Variants in SRRM4 observed in about 807,000 individuals in gnomAD.
SRRM4 encodes the protein serine/arginine repetitive matrix protein 4.
A neutral mutation model predicts 68.9 loss-of-function variants in SRRM4; 33 were observed. The ratio of observed to expected loss-of-function variants is 0.48; its 90% CI spans 0.36 to 0.64. The LOEUF (loss-of-function observed/expected upper bound fraction) is 0.64. Ranked by LOEUF, SRRM4 falls within the 30% of genes least tolerant of loss-of-function variation. SRRM4 has a pLI of 0.00. For synonymous variants in SRRM4, 318 were observed against 318.8 expected (o/e 1.00, Z 0.03); for missense variants, 817 against 827.1 (o/e 0.99, Z 0.15).
chr12:118,982,669 GTTT>G (rs10533651), intron 1 of SRRM4, among the ~76,000 whole-genome samples: 21,045 of 115,932 alleles, frequency 0.18, 1,766 homozygotes, highest in African/African-American at 0.25. Context: ...GTTTTATTTT[GTTT>G]TTTTTTGTTT....
intron 1 of SRRM4, among the ~76,000 whole-genome samples, chr12:119,038,631 A>C (rs892094145): frequency 6.6e-6 from 1 of 152,182 alleles, no homozygotes; most frequent in Non-Finnish European, 1.5e-5. Context: ...AGTTTGCTTC[A>C]TCATTTCTGT....
At chr12:119,053,208 T>A (rs1953755780) in intron 1 of SRRM4, among the ~76,000 whole-genome samples, 1 of 152,220 alleles carries the variant, frequency 6.6e-6, no homozygotes, top group Non-Finnish European at 1.5e-5. Context: ...TTAATAATGT[T>A]CTCTTGTTTT....
chr12:119,094,804 C>T (rs7295638), intron 1 of SRRM4, among the ~76,000 whole-genome samples: 6,081 of 152,310 alleles, frequency 0.04, 138 homozygotes, highest in African/African-American at 0.057. Context: ...ATCTGTCTCC[C>T]CTTCCAGGGT....
At chr12:119,111,011 G>A (rs142624293) in intron 2 of SRRM4, among the ~76,000 whole-genome samples, 9 of 152,280 alleles carry the variant, frequency 5.9e-5, no homozygotes, top group African/African-American at 1.2e-4. Context: ...CCTAACTGCT[G>A]AGCACTTAAC....
intron 1 of SRRM4, among the ~76,000 whole-genome samples, chr12:119,073,870 C>T (rs1423095096): frequency 6.6e-6 from 1 of 152,150 alleles, no homozygotes; most frequent in Non-Finnish European, 1.5e-5. Context: ...TCAAGAAACT[C>T]TACTGCCTTC....
chr12:119,028,175 G>T (rs1386600422), intron 1 of SRRM4, among the ~76,000 whole-genome samples: 2 of 152,168 alleles, frequency 1.3e-5, no homozygotes, highest in African/African-American at 4.8e-5. Flanking sequence ...TTGTTCTAGG[G>T]AATCACATTT....
intron 1 of SRRM4, among the ~76,000 whole-genome samples, chr12:119,076,184 G>A (rs7297117): frequency 0.57 from 86,903 of 151,984 alleles, 25,844 homozygotes; most frequent in Middle Eastern, 0.76. Flanking sequence ...TGATGATAAT[G>A]ACAGTGATGA....
intron 1 of SRRM4, among the ~76,000 whole-genome samples, chr12:119,016,006 A>C (rs956790324): frequency 6.6e-6 from 1 of 152,148 alleles, no homozygotes; most frequent in African/African-American, 2.4e-5. Context: ...TCATTAGTTA[A>C]GATGAGGTCA....
chr12:119,013,203 C>T (rs1269587122), intron 1 of SRRM4, among the ~76,000 whole-genome samples: 1 of 152,012 alleles, frequency 6.6e-6, no homozygotes, highest in East Asian at 1.9e-4. Context: ...TACCATTTTG[C>T]CCCTCCTGTA....
chr12:119,063,767 C>A (rs1953828776), intron 1 of SRRM4, among the ~76,000 whole-genome samples: 1 of 152,080 alleles, frequency 6.6e-6, no homozygotes, highest in South Asian at 2.1e-4. Flanking sequence ...AAGAGTAAAA[C>A]CCTTCCCACT....
rs920411841 is a variant in SRRM4 at position 119,161,069 on chromosome 12, G to A, written c.*4271G>A. The A allele has an allele frequency of 6.6e-6, 1 of 152,252 alleles. No individual in the cohort carries two copies. The highest frequency in any genetic ancestry group is 1.5e-5 in the Non-Finnish European group (1 of 68,052). The allele number at this position is 152,252 out of a possible 1,614,324, so 9.4% of individuals were successfully genotyped here. A position where few individuals can be genotyped will look rare whatever the true frequency, so the allele number is the denominator to read the frequency against. Reference sequence around the variant, plus strand: ...CCCATCCTCTTTTGCAAAAGGGTCTGCTTGGAGAGGCCAAAATTCAGGGTG... The same window carrying A: ...CCCATCCTCTTTTGCAAAAGGGTCTACTTGGAGAGGCCAAAATTCAGGGTG... On this transcript the variant is annotated 3_prime_UTR_variant, in exon 13 of 13. Coordinates refer to ENST00000267260, the MANE Select transcript of SRRM4 (RefSeq NM_194286.4).
At chr12:119,085,962 T>C (rs1158852526) in intron 1 of SRRM4, among the ~76,000 whole-genome samples, 1 of 152,144 alleles carries the variant, frequency 6.6e-6, no homozygotes, top group African/African-American at 2.4e-5. Flanking sequence ...TTTGGTCACA[T>C]TAAGTTTGAG....
At chr12:119,151,467 T>C (rs938397818) in intron 10 of SRRM4, among the ~76,000 whole-genome samples, 2 of 152,324 alleles carry the variant, frequency 1.3e-5, no homozygotes, top group South Asian at 4.1e-4. Context: ...TATAAGGCAC[T>C]TAGAACAGTA....
In SRRM4 at chr12:118,996,515, T is replaced by C. The variant is rs117320498; in HGVS notation, c.131+14502T>C. ...GAAAGCAGGGCAGGAGTTAATAGTA[T>C]CAAAAAGAAAATTAAGGCCAAGGCA... On this transcript the variant is annotated intron_variant, in intron 1 of 12. Transcript: ENST00000267260. Among the ~76,000 whole-genome samples the C allele has an allele frequency of 1.1e-4, 16 of 152,298 alleles. No homozygotes were observed. The East Asian group carries it at 2.9e-3, about 28-fold the overall frequency.
chr12:119,081,628 T>C (rs1311163266), intron 1 of SRRM4, among the ~76,000 whole-genome samples: 1 of 152,162 alleles, frequency 6.6e-6, no homozygotes, highest in Non-Finnish European at 1.5e-5. Context: ...GTGGCTTAAT[T>C]TGAGTAGGAT....
chr12:119,135,593 G>C (rs1954323146), intron 8 of SRRM4, among the ~76,000 whole-genome samples: 1 of 152,074 alleles, frequency 6.6e-6, no homozygotes. Context: ...ACTAATGCCT[G>C]TTGAGCACCT....
chr12:119,154,224 AC>A lies in SRRM4; in HGVS notation c.1392-13del. The A allele has an allele frequency of 6.3e-7, 1 of 1,583,644 alleles. No individual in the cohort carries two copies. The highest frequency in any genetic ancestry group is 1.8e-5 in the Admixed American group (1 of 56,770). ...CCAGCCCAGCCCCAGCTCCCCAGTA[AC>A]CCCCCGCGCCCCTTCAGGGAGCGGG... On this transcript the variant is annotated intron_variant, in intron 11 of 12. Coordinates refer to ENST00000267260, the MANE Select transcript of SRRM4 (RefSeq NM_194286.4). The surrounding 1 kb of genome is among the most constrained non-coding windows in gnomAD (Gnocchi z 4.7).
intron 1 of SRRM4, among the ~76,000 whole-genome samples, chr12:119,039,217 G>A (rs1953649455): frequency 6.6e-6 from 1 of 152,184 alleles, no homozygotes; most frequent in African/African-American, 2.4e-5. Context: ...AAGATTACAA[G>A]CCAAGCTCAG....
intron 2 of SRRM4, among the ~76,000 whole-genome samples, chr12:119,105,957 T>G (rs1954105430): frequency 1.3e-5 from 2 of 152,248 alleles, no homozygotes; most frequent in South Asian, 4.1e-4. Flanking sequence ...AACATTTAAG[T>G]CTTTAAACCA....
Sources: gnomAD v4.1 joint callset for allele counts (sites outside exome capture counted in the v4.1 genomes callset) on GRCh38, gnomAD v4.1.1 for gene constraint, Gnocchi (gnomAD v3.1) non-coding constraint, MANE v1.5 for transcripts, NCBI Gene and HGNC (gene_info 2026-07-23, HGNC 2026-07-21) for gene names.